The following ERBB4 variants were observed in gnomAD, a reference collection of about 807,000 sequenced individuals.
ERBB4 encodes receptor tyrosine-protein kinase erbB-4.
In ERBB4, 42 loss-of-function variants were observed where a neutral mutation model predicts 158.0. That is an observed-to-expected ratio of 0.27 (90% CI 0.21 to 0.34). The LOEUF (loss-of-function observed/expected upper bound fraction) is 0.34, where lower values mean the gene tolerates loss of function less well. Ranked by LOEUF, ERBB4 falls within the 10% of genes least tolerant of loss-of-function variation. The pLI, the probability that ERBB4 is intolerant of heterozygous loss-of-function variation, is 1.00. For synonymous variants in ERBB4, 583 were observed against 558.7 expected (o/e 1.04, Z -0.61); for missense variants, 1,333 against 1,624.1 (o/e 0.82, Z 3.08).
chr2:211,586,874 T>G (rs907197631), intron 19 of ERBB4, among the ~76,000 whole-genome samples: 5 of 152,152 alleles, frequency 3.3e-5, no homozygotes, highest in African/African-American at 1.2e-4. Flanking sequence ...CCGATAATAT[T>G]TATCTGGTGC....
Position 211,680,789 on chromosome 2 carries a change from C to G in ERBB4, c.1490-1605G>C, listed in dbSNP as rs966513600. Among the ~76,000 whole-genome samples the G allele has an allele frequency of 5.3e-5, 8 of 152,254 alleles. No homozygotes were observed. In the East Asian group the frequency reaches 1.5e-3, roughly 29 times the overall value. On this transcript the variant is annotated intron_variant, in intron 12 of 27. Coordinates refer to ENST00000342788, the MANE Select transcript of ERBB4 (RefSeq NM_005235.3). Reference sequence around the variant, plus strand: ...GATCTATCAACAAATCTTGCTACTTCTTGAATAATCTCTTTCAGCATAGTT... The same window carrying G: ...GATCTATCAACAAATCTTGCTACTTGTTGAATAATCTCTTTCAGCATAGTT...
At chr2:212,320,818 T>C (rs1033870940) in intron 1 of ERBB4, among the ~76,000 whole-genome samples, 1 of 150,278 alleles carries the variant, frequency 6.7e-6, no homozygotes, top group Non-Finnish European at 1.5e-5. Context: ...GTTGTGAGAA[T>C]CAAATGAAAC....
At chr2:212,276,837 T>C (rs1203801389) in intron 1 of ERBB4, among the ~76,000 whole-genome samples, 1 of 151,826 alleles carries the variant, frequency 6.6e-6, no homozygotes, top group Non-Finnish European at 1.5e-5. Context: ...AAAAGCTATG[T>C]CATAAGCCAT....
chr2:211,709,373 A>G (rs962509260), intron 9 of ERBB4, among the ~76,000 whole-genome samples: 2 of 150,822 alleles, frequency 1.3e-5, no homozygotes, highest in African/African-American at 4.9e-5. Flanking sequence ...ATGTTCTATG[A>G]TGAACCAAGA....
intron 1 of ERBB4, among the ~76,000 whole-genome samples, chr2:212,440,455 C>T (rs568946587): frequency 4.6e-5 from 7 of 152,184 alleles, no homozygotes; most frequent in Non-Finnish European, 8.8e-5. Flanking sequence ...TGCAGGCAGC[C>T]TGTTGTGGGA....
intron 1 of ERBB4, among the ~76,000 whole-genome samples, chr2:212,135,481 CAT>C (rs200031338): frequency 2.6e-5 from 4 of 151,870 alleles, no homozygotes; most frequent in Admixed American, 6.6e-5. Context: ...CTTATAACTG[CAT>C]ATATATATAT....
At chr2:211,969,843 T>C (rs2081403509) in intron 2 of ERBB4, among the ~76,000 whole-genome samples, 1 of 152,096 alleles carries the variant, frequency 6.6e-6, no homozygotes, top group Admixed American at 6.6e-5. Context: ...AAAAAACAGC[T>C]CCTGGATTCA....
chr2:212,400,189 G>C (rs13391040), intron 1 of ERBB4, among the ~76,000 whole-genome samples: 14,669 of 152,182 alleles, frequency 0.096, 847 homozygotes, highest in Non-Finnish European at 0.13. Context: ...ACCTTTGAAA[G>C]ATTGTAAGTA....
intron 3 of ERBB4, among the ~76,000 whole-genome samples, chr2:211,830,034 C>T (rs1404642651): frequency 4.6e-5 from 7 of 152,142 alleles, no homozygotes; most frequent in Non-Finnish European, 1.0e-4. Context: ...GTTTCACCCG[C>T]TTCAGGGAAG....
rs547976282 is a variant in ERBB4, at chr2:212,166,014, T to G, written c.83-41111A>C. Among the ~76,000 whole-genome samples, 441 of 152,226 alleles carry G rather than the reference T, an allele frequency of 2.9e-3. 1 individual carries two copies. The highest frequency in any genetic ancestry group is 5.6e-3 in the South Asian group (27 of 4,828). On this transcript the variant is annotated intron_variant, in intron 1 of 27. Transcript: ENST00000342788. ...ATCTATTGTTTTGGTGACATAATTC[T>G]TATTTACATTTTAGAAAGTTGTGCT...
At chr2:212,141,915 A>G (rs990782273) in intron 1 of ERBB4, among the ~76,000 whole-genome samples, 26 of 152,238 alleles carry the variant, frequency 1.7e-4, no homozygotes, top group African/African-American at 6.0e-4. Flanking sequence ...CTTTGCTCAA[A>G]TATCTCCAAT....
chr2:211,676,571 C>A (rs114860824), intron 13 of ERBB4, among the ~76,000 whole-genome samples: 2,581 of 148,714 alleles, frequency 0.017, 76 homozygotes, highest in African/African-American at 0.058. Context: ...GGGAAAAAAA[C>A]AAACAAACAA....
chr2:211,823,739 G>T (rs2077041443), intron 3 of ERBB4, among the ~76,000 whole-genome samples: 1 of 151,874 alleles, frequency 6.6e-6, no homozygotes, highest in Admixed American at 6.6e-5. Context: ...ATCAATGATG[G>T]GGCTTCTATA....
At chr2:211,581,215 A>G (rs1037649350) in intron 19 of ERBB4, among the ~76,000 whole-genome samples, 1 of 151,934 alleles carries the variant, frequency 6.6e-6, no homozygotes, top group African/African-American at 2.4e-5. Context: ...AATCACCACT[A>G]AAGAACTTAC....
Position 212,123,327 on chromosome 2 carries a change from C to T in ERBB4, c.234+1425G>A, listed in dbSNP as rs556789292. On this transcript the variant is annotated intron_variant, in intron 2 of 27. Transcript: ENST00000342788. ...CTGAGGCAGGAGAATTGCTTGAACT[C>T]GTGAGGCGGAGGTTGCAATGAGCCG... Among the ~76,000 whole-genome samples, 342 of 152,260 alleles carry T rather than the reference C, an allele frequency of 2.2e-3. 2 individuals carry two copies. Among genetic ancestry groups the T allele is most frequent in the African/African-American group, 7.9e-3 (327 of 41,562 alleles).
intron 1 of ERBB4, among the ~76,000 whole-genome samples, chr2:212,376,700 G>A (rs186561650): frequency 6.6e-6 from 1 of 151,996 alleles, no homozygotes; most frequent in Non-Finnish European, 1.5e-5. Context: ...AAGAAAGACT[G>A]CATTGACATT....
chr2:211,970,184 A>T (rs979282134), intron 2 of ERBB4, among the ~76,000 whole-genome samples: 1 of 152,098 alleles, frequency 6.6e-6, no homozygotes, highest in African/African-American at 2.4e-5. Context: ...CAATTTCCAC[A>T]TAATTGTATA....
chr2:212,032,238 T>C (rs2076920161), intron 2 of ERBB4, among the ~76,000 whole-genome samples: 1 of 152,054 alleles, frequency 6.6e-6, no homozygotes, highest in Non-Finnish European at 1.5e-5. Context: ...GAAGTGACAC[T>C]GTAGATCTGT....
At chr2:211,792,268 A>G (rs2076292826) in intron 3 of ERBB4, among the ~76,000 whole-genome samples, 1 of 151,772 alleles carries the variant, frequency 6.6e-6, no homozygotes, top group Admixed American at 6.6e-5. Flanking sequence ...TGAAGCTGTT[A>G]CTGTTTTGTT....
Sources: gnomAD v4.1 joint callset for allele counts (sites outside exome capture counted in the v4.1 genomes callset) on GRCh38, gnomAD v4.1.1 for gene constraint, MANE v1.5 for transcripts, NCBI Gene and HGNC (gene_info 2026-07-23, HGNC 2026-07-21) for gene names.